ZFHX4: variants seen among roughly 807,000 people sequenced by gnomAD.
The protein encoded by ZFHX4 is zinc finger homeobox protein 4.
A neutral mutation model predicts 267.6 loss-of-function variants in ZFHX4; 56 were observed. The observed-to-expected ratio is 0.21, with a 90% CI of 0.17 to 0.26. The LOEUF (loss-of-function observed/expected upper bound fraction) is 0.26, where lower values mean the gene tolerates loss of function less well. Among genes scored for constraint, ZFHX4 ranks in the 10% least tolerant of loss-of-function variants. ZFHX4 has a pLI of 1.00. For missense variants in ZFHX4, 4,332 were observed against 4,420.0 expected (o/e 0.98, Z 0.56); for synonymous variants, 1,778 against 1,665.6 (o/e 1.07, Z -1.64).
chr8:76,687,446 A>C (rs1807718969), intron 1 of ZFHX4, among the ~76,000 whole-genome samples: 1 of 152,320 alleles, frequency 6.6e-6, no homozygotes, highest in Non-Finnish European at 1.5e-5. Flanking sequence ...TGAGTCTCCC[A>C]AGACGGGATA....
intron 4 of ZFHX4, among the ~76,000 whole-genome samples, chr8:76,799,227 C>T (rs1811058365): frequency 6.6e-6 from 1 of 152,184 alleles, no homozygotes; most frequent in South Asian, 2.1e-4. Flanking sequence ...CACCAAGTCT[C>T]AGTGGTGCCT....
At chr8:76,700,905 C>G (rs935781027) in intron 1 of ZFHX4, among the ~76,000 whole-genome samples, 4 of 152,072 alleles carry the variant, frequency 2.6e-5, no homozygotes, top group African/African-American at 9.7e-5. Flanking sequence ...GGTGAAGGAA[C>G]TTTTATAGTG....
chr8:76,712,311 G>A (rs1808446725), intron 3 of ZFHX4, among the ~76,000 whole-genome samples: 1 of 152,142 alleles, frequency 6.6e-6, no homozygotes, highest in Non-Finnish European at 1.5e-5. Context: ...GCCCACAGAG[G>A]AGAATGCAAG....
At chr8:76,691,117 A>C (rs1010941716) in intron 1 of ZFHX4, among the ~76,000 whole-genome samples, 17 of 152,096 alleles carry the variant, frequency 1.1e-4, no homozygotes, top group African/African-American at 4.1e-4. Flanking sequence ...AGGCTTGTTG[A>C]ATGAATGAAT....
chr8:76,863,811 C>T lies in ZFHX4; in HGVS notation c.10097C>T (p.Thr3366Ile). Reference sequence around the variant, plus strand: ...CAAAACTCCAACGATGCTTCAGAAACAAAGGAAGACAAAAGTACTGCTACA... The same window carrying T: ...CAAAACTCCAACGATGCTTCAGAAATAAAGGAAGACAAAAGTACTGCTACA... The part of the protein sequence containing the change: ...QPQNSNDASE[T>I]KEDKSTATES... The change falls in exon 11 of 11, where the codon ACA becomes ATA. Residue 3366 changes from threonine (T) to isoleucine (I), a missense_variant. By Grantham distance (89) the Thr-to-Ile change is moderately conservative. This residue lies in a region of ZFHX4 where 1,648 missense variants were observed against 1,625.0 expected (regional missense o/e 1.01). Coordinates refer to ENST00000651372, the MANE Select transcript of ZFHX4 (RefSeq NM_024721.5). 6.4e-7 allele frequency: 1 copy of T among 1,552,296 alleles called. No individual in the cohort carries two copies. The highest frequency in any genetic ancestry group is 8.7e-7 in the Non-Finnish European group (1 of 1,147,238).
chr8:76,804,895 A>T (rs1472421061), intron 4 of ZFHX4, among the ~76,000 whole-genome samples: 1 of 152,074 alleles, frequency 6.6e-6, no homozygotes, highest in Non-Finnish European at 1.5e-5. Context: ...GCTCAATAGC[A>T]TTAAACTAGC....
intron 3 of ZFHX4, among the ~76,000 whole-genome samples, chr8:76,709,921 C>G (rs938662671): frequency 6.6e-6 from 1 of 151,670 alleles, no homozygotes; most frequent in African/African-American, 2.4e-5. Flanking sequence ...CCTTGAAGTT[C>G]CTTTTCATGG....
chr8:76,734,813 T>C (rs1046429787), intron 3 of ZFHX4, among the ~76,000 whole-genome samples: 2 of 152,178 alleles, frequency 1.3e-5, no homozygotes, highest in African/African-American at 4.8e-5. Context: ...TGAAATATAT[T>C]CAAGAACACA....
intron 4 of ZFHX4, among the ~76,000 whole-genome samples, chr8:76,830,860 G>C (rs1170407122): frequency 1.3e-5 from 2 of 152,086 alleles, no homozygotes; most frequent in African/African-American, 4.8e-5. Flanking sequence ...ATTTTCACAG[G>C]TCTAGAGAAA....
chr8:76,714,456 C>T (rs1187399898), intron 3 of ZFHX4, among the ~76,000 whole-genome samples: 1 of 152,054 alleles, frequency 6.6e-6, no homozygotes, highest in Non-Finnish European at 1.5e-5. Context: ...TTTCTGCCTG[C>T]CCCCCAAATT....
chr8:76,715,353 G>A (rs754316934), intron 3 of ZFHX4, among the ~76,000 whole-genome samples: 13 of 151,774 alleles, frequency 8.6e-5, no homozygotes, highest in South Asian at 2.1e-4. Flanking sequence ...ATGGTGGTGC[G>A]CACCTGTAGT....
At chr8:76,743,993 A>T (rs1397671061) in intron 3 of ZFHX4, among the ~76,000 whole-genome samples, 1 of 152,200 alleles carries the variant, frequency 6.6e-6, no homozygotes, top group Non-Finnish European at 1.5e-5. Context: ...TTTAAGGAGC[A>T]TAAATGTGAG....
intron 3 of ZFHX4, among the ~76,000 whole-genome samples, chr8:76,731,887 A>ATTATTATTATTG (rs1164734319): frequency 2.7e-5 from 4 of 149,436 alleles, no homozygotes; most frequent in Admixed American, 6.7e-5. Context: ...TATTATTATT[A>ATTATTATTATTG]TTATTTTTGA....
intron 3 of ZFHX4, among the ~76,000 whole-genome samples, chr8:76,775,074 C>T (rs1810369040): frequency 3.3e-5 from 5 of 151,962 alleles, no homozygotes; most frequent in Admixed American, 3.3e-4. Context: ...TCATAAAAGG[C>T]AAGGTCACAG....
At position 76,853,953 on chromosome 8, in the gene ZFHX4, A is replaced by G. The variant is rs762364915; in HGVS notation, c.7032A>G (p.Gln2344=). Residue 2344 remains glutamine (Q), a synonymous_variant, in exon 10 of 11, where the codon CAA becomes CAG. Coordinates refer to ENST00000651372, the MANE Select transcript of ZFHX4 (RefSeq NM_024721.5). ...ACAAGGATGAAGATGATGATGCCCAAGATGAAAGCCAAACAGAAGACTCCA... is the reference window on the plus strand; with the variant it reads ...ACAAGGATGAAGATGATGATGCCCAGGATGAAAGCCAAACAGAAGACTCCA... The part of the protein sequence containing the change: ...QCYKDEDDDA[Q]DESQTEDSMD... The G allele has an allele frequency of 6.2e-7, 1 of 1,613,894 alleles. No individual in the cohort carries two copies. Among genetic ancestry groups the G allele is most frequent in the Non-Finnish European group, 8.5e-7 (1 of 1,179,870 alleles).
chr8:76,796,286 G>T (rs1052817336), intron 4 of ZFHX4, among the ~76,000 whole-genome samples: 3 of 152,124 alleles, frequency 2.0e-5, no homozygotes, highest in Non-Finnish European at 2.9e-5. Flanking sequence ...TATAGAAATT[G>T]TATTATTTTA....
intron 3 of ZFHX4, among the ~76,000 whole-genome samples, chr8:76,753,108 G>A (rs2131711289): frequency 6.6e-6 from 1 of 152,218 alleles, no homozygotes; most frequent in African/African-American, 2.4e-5. Flanking sequence ...CTTCTGTATT[G>A]ATTAATAAAC....
At position 76,866,569 on chromosome 8, in the gene ZFHX4, A is replaced by G. The variant is rs548295076; in HGVS notation, c.*2004A>G. On this transcript the variant is annotated 3_prime_UTR_variant, in exon 11 of 11. Coordinates refer to ENST00000651372, the MANE Select transcript of ZFHX4 (RefSeq NM_024721.5). ...TCCTAAGGTGCAATCCTGCCGCTATAGTGAGCTAATGTCCTGAATCCAAAG... is the reference window on the plus strand; with the variant it reads ...TCCTAAGGTGCAATCCTGCCGCTATGGTGAGCTAATGTCCTGAATCCAAAG... The G allele has an allele frequency of 6.6e-6, 1 of 152,308 alleles. No homozygotes were observed. The highest frequency in any genetic ancestry group is 6.6e-5 in the Admixed American group (1 of 15,246). The allele number at this position is 152,308 out of a possible 1,614,324, so 9.4% of individuals were successfully genotyped here.
rs1219689937 is a variant in ZFHX4, at chr8:76,737,116, C to T, written c.3093+29068C>T. On this transcript the variant is annotated intron_variant, in intron 3 of 10. Transcript: ENST00000651372. ...AATGGATTTACTGGTGGAACCTGCT[C>T]TGATGTTTTCCCTATCTACAATCAC... Among the ~76,000 whole-genome samples the T allele has an allele frequency of 7.2e-5, 11 of 152,256 alleles. 1 individual carries two copies. Among genetic ancestry groups the T allele is most frequent in the Middle Eastern group, 3.4e-3 (1 of 294 alleles).
Sources: allele counts gnomAD v4.1 joint callset (sites outside exome capture counted in the v4.1 genomes callset), GRCh38; gene constraint gnomAD v4.1.1; regional missense constraint gnomAD v4.1.1; transcripts MANE v1.5; gene names NCBI Gene and HGNC (gene_info 2026-07-23, HGNC 2026-07-21).